The following ALK variants were observed in gnomAD, a reference collection of about 807,000 sequenced individuals.
The protein encoded by ALK is ALK receptor tyrosine kinase.
ALK carries 74 observed loss-of-function variants against 163.1 expected under a neutral mutation model. The observed-to-expected ratio is 0.45, with a 90% confidence interval of 0.38 to 0.55. ALK has a LOEUF of 0.55. ALK is among the 20% of genes least tolerant of loss of function. ALK has a pLI of 0.00. For missense variants in ALK, 2,063 were observed against 2,105.3 expected, an observed-to-expected ratio of 0.98 and a Z score of 0.39; for synonymous variants, 960 against 843.2, an observed-to-expected ratio of 1.14 and a Z score of -2.40.
intron 4 of ALK, among the ~76,000 whole-genome samples, chr2:29,510,141 G>T (rs1672470324): frequency 6.6e-6 from 1 of 152,152 alleles, no homozygotes; most frequent in Admixed American, 6.5e-5. Flanking sequence ...TAAAAAGGCT[G>T]CTGGGTAAGC....
chr2:29,228,699 G>A (rs1231501789), intron 16 of ALK, among the ~76,000 whole-genome samples, 185 bp downstream of exon 16: 1 of 149,960 alleles, frequency 6.7e-6, no homozygotes, highest in Admixed American at 6.6e-5. Flanking sequence ...TGGAGGCAGG[G>A]TGCTGGCTCG....
At chr2:29,592,859 C>T (rs1321957063) in intron 3 of ALK, among the ~76,000 whole-genome samples, 3 of 152,122 alleles carry the variant, frequency 2.0e-5, no homozygotes, top group Non-Finnish European at 4.4e-5. Flanking sequence ...TCAAGGAGCT[C>T]CAGGAACCAC....
chr2:29,229,183 CG>C lies in ALK; in HGVS notation c.2633-118del, dbSNP rs1664115492. 3 of 881,264 alleles carry C rather than the reference CG, an allele frequency of 3.4e-6. No homozygotes were observed. The South Asian group carries it at 4.2e-5, about 12-fold the overall frequency. The allele number at this position is 881,264 out of a possible 1,614,324, so 54.6% of individuals were successfully genotyped here. A position where few individuals can be genotyped will look rare whatever the true frequency, so the allele number is the denominator to read the frequency against. ...GGGCGCCCGCACCAGCTCCAGCTCC[CG>C]GGGCCCATCTTCAGTGGGGCCTGGG... On this transcript the variant is annotated intron_variant, in intron 15 of 28. Transcript: ENST00000389048.
At chr2:29,594,907 G>T (rs1239428665) in intron 3 of ALK, among the ~76,000 whole-genome samples, 4 of 84,360 alleles carry the variant, frequency 4.7e-5, no homozygotes, top group Non-Finnish European at 9.0e-5. Context: ...GGGGTGGGGG[G>T]CGGGGGGCAA....
In ALK at chr2:29,615,078, C is replaced by T. The variant is rs968590093; in HGVS notation, c.952+79772G>A. On this transcript the variant is annotated intron_variant, in intron 3 of 28. Coordinates refer to ENST00000389048, the MANE Select transcript of ALK (RefSeq NM_004304.5). Reference sequence around the variant, plus strand: ...AAGCAATCCACCTGCCCCAACCTCCCGAAGTACTGGGCCTGCAGGCTTGAG... The same window carrying T: ...AAGCAATCCACCTGCCCCAACCTCCTGAAGTACTGGGCCTGCAGGCTTGAG... 3.3e-5 allele frequency among the ~76,000 whole-genome samples: 5 copies of T among 152,262 alleles called. No individual in the cohort carries two copies. In the East Asian group the frequency reaches 7.7e-4, roughly 24 times the overall value.
chr2:29,617,099 G>T (rs905161207), intron 3 of ALK, among the ~76,000 whole-genome samples: 2 of 152,080 alleles, frequency 1.3e-5, no homozygotes, highest in African/African-American at 4.8e-5. Context: ...AGCACCTTAG[G>T]TCCATGCTGG....
chr2:29,252,152 A>C, intron 11 of ALK, among the ~76,000 whole-genome samples: 1 of 151,842 alleles, frequency 6.6e-6, no homozygotes, highest in Admixed American at 6.5e-5. Context: ...CAACACAGGA[A>C]CACTCAGCAC....
chr2:29,590,757 A>G (rs1675026542), intron 3 of ALK, among the ~76,000 whole-genome samples: 1 of 152,124 alleles, frequency 6.6e-6, no homozygotes, highest in East Asian at 1.9e-4. Context: ...GTTGAGCCTC[A>G]TCTCTCTCCC....
Position 29,635,816 on chromosome 2 carries a change from T to C in ALK, c.952+59034A>G, listed in dbSNP as rs775774224. Among the ~76,000 whole-genome samples, 7 of 151,746 alleles carry C rather than the reference T, an allele frequency of 4.6e-5. No homozygotes were observed. In the East Asian group the frequency reaches 1.4e-3, roughly 29 times the overall value. ...ATTATACTTTAAGTTCTAGGGTACA[T>C]GTGAGGGTTCTATCATGTTGGCCAG... On this transcript the variant is annotated intron_variant, in intron 3 of 28. Coordinates refer to ENST00000389048, the MANE Select transcript of ALK (RefSeq NM_004304.5).
chr2:29,642,250 T>C (rs945298000), intron 3 of ALK, among the ~76,000 whole-genome samples: 6 of 152,176 alleles, frequency 3.9e-5, no homozygotes, highest in Non-Finnish European at 7.4e-5. Context: ...CTTTCAAATA[T>C]GCACCTTATT....
At chr2:29,549,139 C>CAT (rs1673647822) in intron 3 of ALK, among the ~76,000 whole-genome samples, 1 of 147,376 alleles carries the variant, frequency 6.8e-6, no homozygotes, top group Admixed American at 6.7e-5. Flanking sequence ...TCTACAGGTA[C>CAT]ACACACACAC....
At chr2:29,755,762 C>G (rs750941862) in intron 1 of ALK, among the ~76,000 whole-genome samples, 13 of 152,134 alleles carry the variant, frequency 8.5e-5, no homozygotes, top group Non-Finnish European at 1.8e-4. Context: ...ACACCCAGGG[C>G]TGACTCAAGG....
intron 4 of ALK, among the ~76,000 whole-genome samples, chr2:29,502,679 G>A (rs753665187): frequency 2.0e-5 from 3 of 150,962 alleles, no homozygotes; most frequent in Non-Finnish European, 2.9e-5. Flanking sequence ...TTAATGAGAT[G>A]GGGCACATAT....
intron 3 of ALK, among the ~76,000 whole-genome samples, chr2:29,645,313 G>A (rs115783662): frequency 2.8e-3 from 429 of 152,216 alleles, no homozygotes; most frequent in Middle Eastern, 0.01. Context: ...AAATATAAAT[G>A]AGGTGTCTTT....
At chr2:29,488,724 A>T (rs1194821975) in intron 4 of ALK, among the ~76,000 whole-genome samples, 1 of 152,204 alleles carries the variant, frequency 6.6e-6, no homozygotes, top group South Asian at 2.1e-4. Flanking sequence ...ACCACGGTGT[A>T]TGTTCAAAGG....
At chr2:29,785,592 T>C (rs1162260821) in intron 1 of ALK, among the ~76,000 whole-genome samples, 1 of 152,176 alleles carries the variant, frequency 6.6e-6, no homozygotes, top group Non-Finnish European at 1.5e-5. Flanking sequence ...TACATGGGCA[T>C]AAGTCCATGT....
chr2:29,419,913 C>T (rs1414511764), intron 4 of ALK, among the ~76,000 whole-genome samples: 2 of 151,316 alleles, frequency 1.3e-5, no homozygotes, highest in Non-Finnish European at 2.9e-5. Context: ...AAACCTAGCG[C>T]TTTGGGAGGC....
chr2:29,315,630 G>A (rs748459971), intron 8 of ALK, among the ~76,000 whole-genome samples: 1 of 152,094 alleles, frequency 6.6e-6, no homozygotes, highest in Non-Finnish European at 1.5e-5. Context: ...CACTCTTCGC[G>A]ATGTCATTCA....
chr2:29,487,836 A>C lies in ALK; in HGVS notation c.1154+44079T>G, dbSNP rs148397091. ...GGCCATAGATGGCACCAGATCGAGA[A>C]CTCACAGCTTATGCATCTCCCTCTC... is the stretch of plus-strand genomic sequence containing the variant. On this transcript the variant is annotated intron_variant, in intron 4 of 28. Coordinates refer to ENST00000389048, the MANE Select transcript of ALK (RefSeq NM_004304.5). 7.7e-3 allele frequency among the ~76,000 whole-genome samples: 1,179 copies of C among 152,164 alleles called. 9 individuals are homozygous for C. Among genetic ancestry groups the C allele is most frequent in the East Asian group, 0.02 (102 of 5,184 alleles).
Sources: gnomAD v4.1 joint callset for allele counts (sites outside exome capture counted in the v4.1 genomes callset) on GRCh38, gnomAD v4.1.1 for gene constraint, MANE v1.5 for transcripts, NCBI Gene and HGNC (gene_info 2026-07-23, HGNC 2026-07-21) for gene names.